The following PIK3CB variants were observed in gnomAD, a reference collection of about 807,000 sequenced individuals.
The protein encoded by PIK3CB is phosphatidylinositol 4,5-bisphosphate 3-kinase catalytic subunit beta isoform.
Under a neutral mutation model 136.8 loss-of-function variants are expected in PIK3CB, and 39 were observed. The observed-to-expected ratio is 0.29, with a 90% CI of 0.22 to 0.37. The LOEUF (loss-of-function observed/expected upper bound fraction) is 0.37, where lower values mean the gene tolerates loss of function less well. Ranked by LOEUF, PIK3CB falls within the 10% of genes least tolerant of loss-of-function variation. The pLI is 1.00. For missense variants in PIK3CB, 868 were observed against 1,275.4 expected (o/e 0.68, Z 4.87); for synonymous variants, 428 against 436.6 (o/e 0.98, Z 0.25).
chr3:138,667,830 G>A (rs2043448279), intron 19 of PIK3CB, among the ~76,000 whole-genome samples: 1 of 151,958 alleles, frequency 6.6e-6, no homozygotes, highest in Non-Finnish European at 1.5e-5. Flanking sequence ...ACTTTGGGTG[G>A]CCGAGGCAGG....
intron 1 of PIK3CB, among the ~76,000 whole-genome samples, chr3:138,832,201 G>A (rs997420520): frequency 1.3e-5 from 2 of 152,144 alleles, no homozygotes; most frequent in African/African-American, 4.8e-5. Context: ...AGCCTTTATG[G>A]ATGAGTCTTT....
In PIK3CB at chr3:138,774,312, T is replaced by C. The variant is rs187462684; in HGVS notation, c.-16-14953A>G. ...ACCATCTGACTTCTTTTGTAAGAGGTGGGGGTTGTTTTGTTTTTTAATCAC... is the reference window on the plus strand; with the variant it reads ...ACCATCTGACTTCTTTTGTAAGAGGCGGGGGTTGTTTTGTTTTTTAATCAC... On this transcript the variant is annotated intron_variant, in intron 2 of 23. Coordinates refer to ENST00000674063, the MANE Select transcript of PIK3CB (RefSeq NM_006219.3). Among the ~76,000 whole-genome samples, 313 of 152,196 alleles carry C rather than the reference T, an allele frequency of 2.1e-3. 1 individual carries two copies. Among genetic ancestry groups the C allele is most frequent in the African/African-American group, 7.1e-3 (296 of 41,530 alleles).
intron 19 of PIK3CB, among the ~76,000 whole-genome samples, chr3:138,675,770 T>A (rs1001085219): frequency 1.3e-5 from 2 of 152,130 alleles, no homozygotes; most frequent in Non-Finnish European, 2.9e-5. Context: ...GGTTGGAGGA[T>A]TCATTCTTCC....
chr3:138,682,068 A>T, intron 18 of PIK3CB, 23 bp from the exon 19 acceptor site: 1 of 1,506,808 alleles, frequency 6.6e-7, no homozygotes, highest in Non-Finnish European at 9.2e-7. Context: ...AAACTGCTTC[A>T]TTACAAGTGC....
rs772351098 is a variant in PIK3CB at position 138,755,910 on chromosome 3, C to A, written c.241G>T (p.Ala81Ser). ...LLMDIDSYMF[A>S]CVNQTAVYEE... is the part of the protein sequence containing the mutation. The stretch of plus-strand genomic sequence containing the variant: ...TATACAGCAGTCTGATTCACACATG[C>A]AAACATATAGGAGTCAATATCCATA... The change falls in exon 4 of 24, where the codon GCA (alanine) becomes TCA (serine). Residue 81 changes from alanine (A) to serine (S), a missense_variant. Transcript: ENST00000674063. 1 of 1,612,518 alleles carries A rather than the reference C, an allele frequency of 6.2e-7. No homozygotes were observed. The highest frequency in any genetic ancestry group is 8.5e-7 in the Non-Finnish European group (1 of 1,178,824).
rs1457395869 is a variant in PIK3CB, at chr3:138,693,966, T to TATATATATATATA, written c.1892+819_1892+820insTATATATATATAT. Among the ~76,000 whole-genome samples the TATATATATATATA allele has an allele frequency of 4.5e-3, 192 of 42,366 alleles. 29 individuals are homozygous for TATATATATATATA. Among genetic ancestry groups the TATATATATATATA allele is most frequent in the Middle Eastern group, 0.012 (1 of 84 alleles). The allele number at this position is 42,366 out of a possible 152,430, so 27.8% of individuals were successfully genotyped here. A position where few individuals can be genotyped will look rare whatever the true frequency, so the allele number is the denominator to read the frequency against. On this transcript the variant is annotated intron_variant, in intron 14 of 23. Transcript: ENST00000674063. Reference sequence around the variant, plus strand: ...ATATATATATATATATATATATATATTATATATATATATATATATATATAT... The same window carrying TATATATATATATA: ...ATATATATATATATATATATATATATATATATATATATATATATATATATATATATATATATAT...
chr3:138,773,598 C>A (rs79568509), intron 2 of PIK3CB, among the ~76,000 whole-genome samples: 13 of 151,998 alleles, frequency 8.6e-5, no homozygotes. Context: ...TTAATACAGT[C>A]CTTGAAATGG....
rs186036733 is a variant in PIK3CB, at chr3:138,685,433, A to C, written c.2137-630T>G. 1.9e-3 allele frequency among the ~76,000 whole-genome samples: 289 copies of C among 150,166 alleles called. 1 individual carries two copies. The highest frequency in any genetic ancestry group is 6.7e-3 in the African/African-American group (274 of 41,016). ...AAAAAAAAAAAAAAAAGAAAGAAAGAAAGAAGATAAATATGAAACTTAAAC... is the reference window on the plus strand; with the variant it reads ...AAAAAAAAAAAAAAAAGAAAGAAAGCAAGAAGATAAATATGAAACTTAAAC... On this transcript the variant is annotated intron_variant, in intron 16 of 23. Transcript: ENST00000674063.
intron 2 of PIK3CB, chr3:138,778,145 C>T: frequency 2.3e-6 from 1 of 436,298 alleles, no homozygotes; most frequent in Non-Finnish European, 4.6e-6. Flanking sequence ...TTGTAGAAGG[C>T]TGGGGCTCAT....
chr3:138,653,056 C>G lies in PIK3CB; in HGVS notation c.*2333G>C. Reference sequence around the variant, plus strand: ...ACAAACGATGCATAATATGTAAACACAGAATACTATAAATCATTGCGGATA... The same window carrying G: ...ACAAACGATGCATAATATGTAAACAGAGAATACTATAAATCATTGCGGATA... On this transcript the variant is annotated 3_prime_UTR_variant, in exon 24 of 24. Coordinates refer to ENST00000674063, the MANE Select transcript of PIK3CB (RefSeq NM_006219.3). The G allele has an allele frequency of 5.0e-6, 1 of 199,978 alleles. No individual in the cohort carries two copies. Among genetic ancestry groups the G allele is most frequent in the Non-Finnish European group, 1.0e-5 (1 of 97,172 alleles). The allele number at this position is 199,978 out of a possible 1,614,324, so 12.4% of individuals were successfully genotyped here. A position where few individuals can be genotyped will look rare whatever the true frequency, so the allele number is the denominator to read the frequency against.
chr3:138,820,151 T>C (rs1345900623), intron 1 of PIK3CB, among the ~76,000 whole-genome samples: 1 of 152,184 alleles, frequency 6.6e-6, no homozygotes, highest in Non-Finnish European at 1.5e-5. Context: ...TTTATATTAC[T>C]AAGGCTAACA....
chr3:138,655,226 G>C lies in PIK3CB; in HGVS notation c.*163C>G. 1 of 645,470 alleles carries C rather than the reference G, an allele frequency of 1.5e-6. No individual in the cohort carries two copies. The highest frequency in any genetic ancestry group is 2.7e-6 in the Non-Finnish European group (1 of 374,898). The allele number at this position is 645,470 out of a possible 1,614,324, so 40.0% of individuals were successfully genotyped here. A position where few individuals can be genotyped will look rare whatever the true frequency, so the allele number is the denominator to read the frequency against. ...AAAGCAGAGGGAATCATCGGGGATTGTTCAGATTAGGTTCTGTGGGATGCC... is the reference window on the plus strand; with the variant it reads ...AAAGCAGAGGGAATCATCGGGGATTCTTCAGATTAGGTTCTGTGGGATGCC... On this transcript the variant is annotated 3_prime_UTR_variant, in exon 24 of 24. Coordinates refer to ENST00000674063, the MANE Select transcript of PIK3CB (RefSeq NM_006219.3).
chr3:138,658,338 T>C (rs2043226702), intron 21 of PIK3CB, among the ~76,000 whole-genome samples: 2 of 152,004 alleles, frequency 1.3e-5, no homozygotes, highest in Admixed American at 1.3e-4. Context: ...TGGTCCCAGC[T>C]ACTCAGGGGG....
intron 4 of PIK3CB, among the ~76,000 whole-genome samples, chr3:138,744,392 C>CAAAAAGAAAAA (rs2045307750): frequency 2.2e-5 from 1 of 45,080 alleles, no homozygotes; most frequent in Non-Finnish European, 4.0e-5. Flanking sequence ...GAGACTCCCC[C>CAAAAAGAAAAA]AAAAAAAAAA....
chr3:138,759,770 A>C (rs2045636352), intron 2 of PIK3CB, among the ~76,000 whole-genome samples: 1 of 152,174 alleles, frequency 6.6e-6, no homozygotes. Flanking sequence ...GTTAACCAGC[A>C]CTTGACAGGT....
At chr3:138,751,971 T>TAAAAA (rs11328258) in intron 4 of PIK3CB, among the ~76,000 whole-genome samples, 5 of 114,696 alleles carry the variant, frequency 4.4e-5, no homozygotes, top group African/African-American at 6.9e-5. Context: ...ACTCTGTATA[T>TAAAAA]AAAAAAAAAA....
chr3:138,666,262 T>C (rs1208249263), intron 19 of PIK3CB, among the ~76,000 whole-genome samples: 1 of 152,004 alleles, frequency 6.6e-6, no homozygotes, highest in Non-Finnish European at 1.5e-5. Context: ...GTCAAATCCC[T>C]GGGCTCAAGG....
intron 12 of PIK3CB, 60 bp downstream of exon 12, chr3:138,704,383 G>T: frequency 8.9e-7 from 1 of 1,128,036 alleles, no homozygotes; most frequent in Non-Finnish European, 1.4e-6. Flanking sequence ...ATGAGGCAAA[G>T]ATACCTAATA....
intron 2 of PIK3CB, among the ~76,000 whole-genome samples, chr3:138,774,518 T>C (rs1209184843): frequency 1.3e-5 from 2 of 152,330 alleles, no homozygotes; most frequent in East Asian, 3.9e-4. Context: ...GTGGGTGCTT[T>C]TGAATGTCAA....
Sources: allele counts gnomAD v4.1 joint callset (sites outside exome capture counted in the v4.1 genomes callset), GRCh38; gene constraint gnomAD v4.1.1; transcripts MANE v1.5; gene names NCBI Gene and HGNC (gene_info 2026-07-23, HGNC 2026-07-21).